The following GRK3 variants were observed in gnomAD, a reference collection of about 807,000 sequenced individuals.
The protein encoded by GRK3 is adrenergic, beta, receptor kinase 2.
GRK3 carries 54 observed loss-of-function variants against 95.7 expected under a neutral mutation model. The ratio of observed to expected loss-of-function variants is 0.56; its 90% CI spans 0.45 to 0.71. The LOEUF is 0.71. GRK3 is among the 30% of genes least tolerant of loss of function. The pLI, the probability that GRK3 is intolerant of heterozygous loss-of-function variation, is 0.00. For synonymous variants in GRK3, 281 were observed against 290.8 expected (o/e 0.97, Z 0.34); for missense variants, 649 against 851.2 (o/e 0.76, Z 2.96).
Position 25,703,412 on chromosome 22 carries a change from T to C in GRK3, c.1161-98T>C, listed in dbSNP as rs1255690394. ...TTGCATTTCTCCAGTTTTGAATGAATAGTGATAGGACATCATACTTTACCC... is the reference window on the plus strand; with the variant it reads ...TTGCATTTCTCCAGTTTTGAATGAACAGTGATAGGACATCATACTTTACCC... On this transcript the variant is annotated intron_variant, in intron 13 of 20. Transcript: ENST00000324198. The C allele has an allele frequency of 2.7e-5, 22 of 816,002 alleles. No homozygotes were observed. The Admixed American group carries it at 3.7e-4, about 14-fold the overall frequency. The allele number at this position is 816,002 out of a possible 1,614,324, so 50.5% of individuals were successfully genotyped here.
At chr22:25,669,085 AAAG>A (rs2084961458) in intron 6 of GRK3, among the ~76,000 whole-genome samples, 2 of 152,328 alleles carry the variant, frequency 1.3e-5, no homozygotes, top group East Asian at 3.9e-4. Flanking sequence ...AAATTAGAAA[AAAG>A]AATTCATGTC....
At chr22:25,575,393 C>G (rs189252421) in intron 1 of GRK3, among the ~76,000 whole-genome samples, 47 of 152,274 alleles carry the variant, frequency 3.1e-4, no homozygotes, top group African/African-American at 1.1e-3. Flanking sequence ...CCTTTCACAA[C>G]CCTCTTTCCC....
At chr22:25,711,802 G>C (rs1005970475) in intron 17 of GRK3, among the ~76,000 whole-genome samples, 1 of 152,050 alleles carries the variant, frequency 6.6e-6, no homozygotes, top group Non-Finnish European at 1.5e-5. Context: ...CTGCCCCCGG[G>C]CCTTCCCTGT....
At position 25,722,177 on chromosome 22, in the gene GRK3, G is replaced by A. The variant is rs1434682475; in HGVS notation, c.1906-112G>A. ...TAATGCCACTGGGGGTGGACACGTA[G>A]GGTGTGCTTCCTTCAGGGGTTCCAG... On this transcript the variant is annotated intron_variant, in intron 20 of 20. Coordinates refer to ENST00000324198, the MANE Select transcript of GRK3 (RefSeq NM_005160.4). 23 of 1,197,820 alleles carry A rather than the reference G, an allele frequency of 1.9e-5. No homozygotes were observed. The East Asian group carries it at 4.2e-4, about 22-fold the overall frequency. 74.2% of individuals were successfully genotyped at this position (1,197,820 alleles called of 1,614,324 possible).
rs560664715 is a variant in GRK3, at chr22:25,569,780, CT to C, written c.113+4630del. ...CATGATGTAATAATGTAATAACTGC[CT>C]TTAATTGAGAGCTCATCCTCTGTCA... On this transcript the variant is annotated intron_variant, in intron 1 of 20. Coordinates refer to ENST00000324198, the MANE Select transcript of GRK3 (RefSeq NM_005160.4). Among the ~76,000 whole-genome samples the C allele has an allele frequency of 4.6e-5, 7 of 152,302 alleles. No individual in the cohort carries two copies. The East Asian group carries it at 1.3e-3, about 29-fold the overall frequency.
At chr22:25,711,788 C>T (rs2085345848) in intron 17 of GRK3, among the ~76,000 whole-genome samples, 1 of 152,130 alleles carries the variant, frequency 6.6e-6, no homozygotes, top group African/African-American at 2.4e-5. Flanking sequence ...CCAGGCTCTA[C>T]CCCCTGCCCC....
intron 17 of GRK3, among the ~76,000 whole-genome samples, chr22:25,712,711 A>G (rs1368072104): frequency 6.6e-6 from 1 of 152,260 alleles, no homozygotes; most frequent in Admixed American, 6.5e-5. Context: ...TTCATTGCCA[A>G]GCTTTCTCTG....
intron 1 of GRK3, among the ~76,000 whole-genome samples, chr22:25,593,890 TG>T (rs933267036): frequency 3.3e-5 from 5 of 152,188 alleles, no homozygotes; most frequent in Non-Finnish European, 7.4e-5. Flanking sequence ...TTGTTGACTT[TG>T]TCAAAGATCA....
chr22:25,677,815 T>C (rs904747947), intron 8 of GRK3, among the ~76,000 whole-genome samples: 1 of 152,238 alleles, frequency 6.6e-6, no homozygotes, highest in African/African-American at 2.4e-5. Flanking sequence ...TGAAAACACT[T>C]GCAAGAATTC....
At chr22:25,679,466 G>A (rs1265018763) in intron 9 of GRK3, among the ~76,000 whole-genome samples, 2 of 152,118 alleles carry the variant, frequency 1.3e-5, no homozygotes, top group Non-Finnish European at 2.9e-5. Context: ...CACTTTCTTT[G>A]TATATTAAGC....
intron 2 of GRK3, among the ~76,000 whole-genome samples, chr22:25,642,792 A>G (rs2084752963): frequency 6.6e-6 from 1 of 152,218 alleles, no homozygotes; most frequent in Non-Finnish European, 1.5e-5. Context: ...GCAGAGGACC[A>G]TCTTGAAGAA....
intron 10 of GRK3, among the ~76,000 whole-genome samples, chr22:25,686,568 ACATT>A (rs1569195054): frequency 1.3e-5 from 2 of 152,230 alleles, no homozygotes; most frequent in Admixed American, 6.5e-5. Context: ...AGTTGGACAC[ACATT>A]CATTTTTATA....
intron 2 of GRK3, among the ~76,000 whole-genome samples, chr22:25,609,362 T>G (rs2084477765): frequency 6.6e-6 from 1 of 151,936 alleles, no homozygotes; most frequent in South Asian, 2.1e-4. Context: ...AAGACAGTCT[T>G]GCCCTGTTGC....
At chr22:25,606,107 G>A (rs1282559130) in intron 2 of GRK3, among the ~76,000 whole-genome samples, 2 of 152,190 alleles carry the variant, frequency 1.3e-5, no homozygotes, top group African/African-American at 4.8e-5. Flanking sequence ...ACTCTGACCT[G>A]AGCTCCCAAT....
At chr22:25,640,222 C>T (rs2084733088) in intron 2 of GRK3, among the ~76,000 whole-genome samples, 1 of 152,012 alleles carries the variant, frequency 6.6e-6, no homozygotes, top group South Asian at 2.1e-4. Context: ...GCAGCATTTT[C>T]TTATCTGACA....
chr22:25,687,736 C>T, intron 11 of GRK3, 69 bp downstream of exon 11: 1 of 1,556,066 alleles, frequency 6.4e-7, no homozygotes, highest in Non-Finnish European at 8.8e-7. Context: ...AAGTCCCCTT[C>T]TATTTCATAG....
chr22:25,616,018 G>C (rs369270694), intron 2 of GRK3, among the ~76,000 whole-genome samples: 1,946 of 149,556 alleles, frequency 0.013, 30 homozygotes, highest in Middle Eastern at 0.065. Flanking sequence ...GAGTACAGTG[G>C]GAGTTGGGGT....
chr22:25,657,663 T>C (rs1334581775), intron 3 of GRK3, among the ~76,000 whole-genome samples: 1 of 152,152 alleles, frequency 6.6e-6, no homozygotes, highest in East Asian at 1.9e-4. Flanking sequence ...ATTGTATTTA[T>C]CCTTTGTGGA....
intron 13 of GRK3, among the ~76,000 whole-genome samples, chr22:25,697,560 T>A (rs2085219307): frequency 6.6e-6 from 1 of 152,104 alleles, no homozygotes; most frequent in East Asian, 1.9e-4. Context: ...AATGATGGCC[T>A]CCGTGGGAAG....
Sources: gnomAD v4.1 joint callset for allele counts (sites outside exome capture counted in the v4.1 genomes callset) on GRCh38, gnomAD v4.1.1 for gene constraint, MANE v1.5 for transcripts, NCBI Gene and HGNC (gene_info 2026-07-23, HGNC 2026-07-21) for gene names.